The following SSBP2 variants were observed in gnomAD, a reference collection of about 807,000 sequenced individuals.
SSBP2 encodes the protein single-stranded DNA-binding protein 2.
Under a neutral mutation model 61.8 loss-of-function variants are expected in SSBP2, and 17 were observed. The ratio of observed to expected loss-of-function variants is 0.28; its 90% CI spans 0.19 to 0.41. The LOEUF is 0.41. SSBP2 is among the 10% of genes least tolerant of loss of function. The pLI is 1.00. For synonymous variants in SSBP2, 139 were observed against 141.3 expected, an observed-to-expected ratio of 0.98 and a Z score of 0.12; for missense variants, 310 against 458.7, an observed-to-expected ratio of 0.68 and a Z score of 2.96.
chr5:81,690,453 C>T (rs181264901), intron 1 of SSBP2, among the ~76,000 whole-genome samples: 40 of 151,976 alleles, frequency 2.6e-4, no homozygotes, highest in Non-Finnish European at 4.3e-4. Context: ...AGTAACTATG[C>T]GTATATCAGA....
intron 15 of SSBP2, among the ~76,000 whole-genome samples, chr5:81,433,012 C>T (rs1338555234): frequency 9.9e-5 from 15 of 151,426 alleles, no homozygotes; most frequent in East Asian, 5.9e-4. Flanking sequence ...CCCGGCCAGC[C>T]GCCCCTTCCG....
intron 16 of SSBP2, 63 bp from the exon 17 acceptor site, chr5:81,420,596 T>C: frequency 7.4e-7 from 1 of 1,357,134 alleles, no homozygotes; most frequent in Non-Finnish European, 1.1e-6. Context: ...AAGGTTCTTC[T>C]TGGTACAACA....
At chr5:81,715,926 T>C (rs999102149) in intron 1 of SSBP2, among the ~76,000 whole-genome samples, 1 of 151,936 alleles carries the variant, frequency 6.6e-6, no homozygotes, top group African/African-American at 2.4e-5. Flanking sequence ...AGCATGGTAG[T>C]GTGAGCCTGT....
chr5:81,446,881 C>A lies in SSBP2; in HGVS notation c.765G>T (p.Met255Ile). Residue 255 changes from methionine (M) to isoleucine (I), a missense_variant, in exon 12 of 17, where the codon ATG (methionine) becomes ATT (isoleucine). Transcript: ENST00000320672. ...TGATTACAATACCTGCTGGACTAGG[C>A]ATGATGGGTGTTCCTGGTGGCCCTC... 1 of 1,608,666 alleles carries A rather than the reference C, an allele frequency of 6.2e-7. No individual in the cohort carries two copies. Among genetic ancestry groups the A allele is most frequent in the Non-Finnish European group, 8.5e-7 (1 of 1,177,862 alleles).
intron 5 of SSBP2, among the ~76,000 whole-genome samples, chr5:81,500,182 T>C (rs1266734960): frequency 1.3e-5 from 2 of 152,196 alleles, no homozygotes; most frequent in African/African-American, 4.8e-5. Flanking sequence ...CTATGTAAGA[T>C]GGTATTGAAC....
intron 1 of SSBP2, among the ~76,000 whole-genome samples, chr5:81,678,328 T>C (rs1752141952): frequency 6.6e-6 from 1 of 151,456 alleles, no homozygotes; most frequent in Non-Finnish European, 1.5e-5. Flanking sequence ...ATCTCTAAAC[T>C]TGAGGATATC....
At position 81,428,637 on chromosome 5, in the gene SSBP2, C is replaced by T. The variant is rs1762101182; in HGVS notation, c.1004G>A (p.Arg335Lys). Reference sequence around the variant, plus strand: ...ATTTCCCCCCATTTCGCCATCATCCCTTGGAGTGCCCGGTTGATTACTCAG... The same window carrying T: ...ATTTCCCCCCATTTCGCCATCATCCTTTGGAGTGCCCGGTTGATTACTCAG... The change falls in exon 16 of 17, where the codon AGG (arginine) becomes AAG (lysine). Residue 335 changes from arginine (R) to lysine (K), a missense_variant. Arg to Lys is a conservative substitution (Grantham distance 26, BLOSUM62 2). Transcript: ENST00000320672. The T allele has an allele frequency of 6.2e-7, 1 of 1,613,330 alleles. No individual in the cohort carries two copies. Among genetic ancestry groups the T allele is most frequent in the Non-Finnish European group, 8.5e-7 (1 of 1,179,576 alleles).
chr5:81,501,854 C>T (rs532600979), intron 5 of SSBP2, among the ~76,000 whole-genome samples: 11 of 151,990 alleles, frequency 7.2e-5, no homozygotes, highest in Middle Eastern at 3.4e-3. Context: ...TGAGCCACTG[C>T]GCCCTGCCCC....
chr5:81,500,777 A>G (rs1368359693), intron 5 of SSBP2, among the ~76,000 whole-genome samples: 1 of 152,092 alleles, frequency 6.6e-6, no homozygotes, highest in Non-Finnish European at 1.5e-5. Context: ...CATATTTTAT[A>G]GAACTGAGAA....
intron 3 of SSBP2, among the ~76,000 whole-genome samples, chr5:81,623,627 G>A (rs1746849543): frequency 1.3e-5 from 2 of 151,988 alleles, no homozygotes; most frequent in Admixed American, 6.5e-5. Flanking sequence ...GAGCCACCGC[G>A]CCCGGTCCAT....
At chr5:81,438,948 T>A (rs1762840793) in intron 14 of SSBP2, among the ~76,000 whole-genome samples, 1 of 152,178 alleles carries the variant, frequency 6.6e-6, no homozygotes, top group African/African-American at 2.4e-5. Flanking sequence ...AGAACTGAAT[T>A]TTAAAATTTA....
intron 4 of SSBP2, among the ~76,000 whole-genome samples, chr5:81,591,490 T>C (rs1435163504): frequency 6.6e-6 from 1 of 152,126 alleles, no homozygotes; most frequent in Non-Finnish European, 1.5e-5. Context: ...AACTATCAGA[T>C]AGGAAGCTTA....
chr5:81,580,658 T>C (rs1774569534), intron 4 of SSBP2, among the ~76,000 whole-genome samples: 1 of 151,784 alleles, frequency 6.6e-6, no homozygotes, highest in African/African-American at 2.4e-5. Context: ...TCAGGCCTAG[T>C]ACATTACATT....
intron 3 of SSBP2, among the ~76,000 whole-genome samples, chr5:81,624,744 A>T (rs1005714422): frequency 2.6e-5 from 4 of 152,234 alleles, no homozygotes; most frequent in African/African-American, 7.2e-5. Flanking sequence ...TTTGTGAGCT[A>T]GTAGACAAAT....
rs145411201 is a variant in SSBP2, at chr5:81,438,809, T to C, written c.929-1351A>G. Among the ~76,000 whole-genome samples the C allele has an allele frequency of 1.9e-3, 288 of 152,316 alleles. 1 individual carries two copies. Among genetic ancestry groups the C allele is most frequent in the African/African-American group, 6.5e-3 (270 of 41,562 alleles). ...AATTATTTTGCAATAAATTGGAAAATAAAATTCAAGAATGGTGCTGTCCAA... is the reference window on the plus strand; with the variant it reads ...AATTATTTTGCAATAAATTGGAAAACAAAATTCAAGAATGGTGCTGTCCAA... On this transcript the variant is annotated intron_variant, in intron 14 of 16. Coordinates refer to ENST00000320672, the MANE Select transcript of SSBP2 (RefSeq NM_012446.5).
chr5:81,499,658 T>A (rs563402285), intron 5 of SSBP2, among the ~76,000 whole-genome samples: 1 of 152,270 alleles, frequency 6.6e-6, no homozygotes, highest in African/African-American at 2.4e-5. Flanking sequence ...AACCCATATT[T>A]AAAAAAATAA....
chr5:81,541,900 A>G (rs1241735834), intron 4 of SSBP2, among the ~76,000 whole-genome samples: 1 of 152,256 alleles, frequency 6.6e-6, no homozygotes, highest in African/African-American at 2.4e-5. Context: ...CAATTGCAAC[A>G]AAAACAAAAA....
chr5:81,519,648 T>C (rs12153000), intron 4 of SSBP2, among the ~76,000 whole-genome samples: 98,649 of 151,908 alleles, frequency 0.65, 32,850 homozygotes, highest in African/African-American at 0.75. Flanking sequence ...TTTCAGAGAT[T>C]TAATTTCTGC....
In SSBP2 at chr5:81,419,833, A is replaced by G. The variant is rs541537688; in HGVS notation, c.*671T>C. ...AAATACTTTTCACTGAAGGTAACTG[A>G]GAAATTGTTTGATTCAACATAAAGA... On this transcript the variant is annotated 3_prime_UTR_variant, in exon 17 of 17. Coordinates refer to ENST00000320672, the MANE Select transcript of SSBP2 (RefSeq NM_012446.5). 4 of 152,270 alleles carry G rather than the reference A, an allele frequency of 2.6e-5. No homozygotes were observed. Among genetic ancestry groups the G allele is most frequent in the Non-Finnish European group, 5.9e-5 (4 of 68,052 alleles). 9.4% of individuals were successfully genotyped at this position (152,270 alleles called of 1,614,324 possible). A position where few individuals can be genotyped will look rare whatever the true frequency, so the allele number is the denominator to read the frequency against.
Sources: gnomAD v4.1 joint callset for allele counts (sites outside exome capture counted in the v4.1 genomes callset) on GRCh38, gnomAD v4.1.1 for gene constraint, MANE v1.5 for transcripts, NCBI Gene and HGNC (gene_info 2026-07-23, HGNC 2026-07-21) for gene names.